The following MCPH1 variants were observed in gnomAD, a reference collection of about 807,000 sequenced individuals.
The protein encoded by MCPH1 is microcephalin 1.
Under a neutral mutation model 84.5 loss-of-function variants are expected in MCPH1, and 104 were observed. The observed-to-expected ratio is 1.23, with a 90% CI of 1.05 to 1.45. The LOEUF (loss-of-function observed/expected upper bound fraction) is 1.45. Ranked by LOEUF, MCPH1 falls within the 40% of genes most tolerant of loss-of-function variation. MCPH1 has a pLI of 0.00. For missense variants in MCPH1, 1,498 were observed against 1,005.7 expected (o/e 1.49, Z -6.62); for synonymous variants, 514 against 366.8 (o/e 1.40, Z -4.58).
intron 12 of MCPH1, among the ~76,000 whole-genome samples, chr8:6,560,768 T>C (rs1562715): frequency 0.16 from 24,100 of 152,234 alleles, 5,089 homozygotes; most frequent in African/African-American, 0.49. Flanking sequence ...TCTTTAAATG[T>C]TATCTCAAAG....
In MCPH1 at chr8:6,562,881, G is replaced by C. The variant is rs377482325; in HGVS notation, c.2215-58573G>C. On this transcript the variant is annotated intron_variant, in intron 12 of 13. Transcript: ENST00000344683. The stretch of plus-strand genomic sequence containing the variant: ...CCATGCTCTTCCGAAAGTTGTTATA[G>C]GCTGCGGCCAAGACAAGATCACAGC... 17 of 1,610,380 alleles carry C rather than the reference G, an allele frequency of 1.1e-5. No individual in the cohort carries two copies. In the African/African-American group the frequency reaches 1.7e-4, roughly 16 times the overall value.
At chr8:6,481,270 G>A (rs943530183) in intron 11 of MCPH1, among the ~76,000 whole-genome samples, 1 of 152,214 alleles carries the variant, frequency 6.6e-6, no homozygotes, top group Admixed American at 6.5e-5. Flanking sequence ...TTCAGTGATT[G>A]TTTGTACAGA....
intron 12 of MCPH1, among the ~76,000 whole-genome samples, chr8:6,504,032 G>T (rs1185385845): frequency 6.6e-6 from 1 of 152,126 alleles, no homozygotes; most frequent in Non-Finnish European, 1.5e-5. Context: ...TATTCTATAA[G>T]CAGGGGCCGG....
intron 13 of MCPH1, among the ~76,000 whole-genome samples, chr8:6,631,681 C>T (rs1254617796): frequency 6.8e-6 from 1 of 147,510 alleles, no homozygotes; most frequent in African/African-American, 2.5e-5. Flanking sequence ...CAGAAAATAA[C>T]AAGTGTTAGT....
intron 11 of MCPH1, among the ~76,000 whole-genome samples, chr8:6,483,901 G>C (rs1244510998): frequency 6.6e-6 from 1 of 151,886 alleles, no homozygotes; most frequent in Non-Finnish European, 1.5e-5. Flanking sequence ...AAGGAAGGGA[G>C]AACCTCATTC....
intron 12 of MCPH1, among the ~76,000 whole-genome samples, chr8:6,539,010 C>G (rs191449519): frequency 5.5e-5 from 8 of 145,540 alleles, no homozygotes; most frequent in African/African-American, 1.8e-4. Context: ...CTCTCCTCCC[C>G]CTCCTTTTAG....
At chr8:6,410,596 G>A (rs551928417) in intron 2 of MCPH1, among the ~76,000 whole-genome samples, 2 of 152,286 alleles carry the variant, frequency 1.3e-5, no homozygotes, top group African/African-American at 4.8e-5. Flanking sequence ...TACCAAATAG[G>A]TATCTTTTGC....
chr8:6,465,377 C>G (rs1290038413), intron 9 of MCPH1, among the ~76,000 whole-genome samples: 2 of 152,210 alleles, frequency 1.3e-5, no homozygotes, highest in Non-Finnish European at 2.9e-5. Context: ...AGTGACCCTG[C>G]CACTGCGCTG....
intron 8 of MCPH1, among the ~76,000 whole-genome samples, chr8:6,452,487 A>G (rs1805201694): frequency 6.6e-6 from 1 of 152,250 alleles, no homozygotes; most frequent in Admixed American, 6.5e-5. Flanking sequence ...GAGGAAAATG[A>G]GAGGAAGATA....
intron 13 of MCPH1, chr8:6,635,546 G>A (rs1797484844): frequency 6.6e-6 from 1 of 152,110 alleles, no homozygotes; most frequent in Non-Finnish European, 1.5e-5. Context: ...AGTGAGCCGT[G>A]ATCATGCCAC....
intron 8 of MCPH1, chr8:6,445,951 A>G (rs934624199): frequency 2.3e-5 from 23 of 984,760 alleles, no homozygotes; most frequent in Non-Finnish European, 2.7e-5. Flanking sequence ...GGCTATTTAA[A>G]GAAAGAAATT....
At chr8:6,607,999 A>G (rs1829931146) in intron 12 of MCPH1, among the ~76,000 whole-genome samples, 1 of 152,176 alleles carries the variant, frequency 6.6e-6, no homozygotes, top group Admixed American at 6.5e-5. Context: ...ACCATTTGGA[A>G]TAGTGTTTTT....
chr8:6,482,064 C>G (rs939787236), intron 11 of MCPH1, among the ~76,000 whole-genome samples: 1 of 152,174 alleles, frequency 6.6e-6, no homozygotes, highest in Non-Finnish European at 1.5e-5. Context: ...CTTGCCCTCA[C>G]TTAGTAGCCA....
intron 12 of MCPH1, among the ~76,000 whole-genome samples, chr8:6,619,436 G>A (rs933220978): frequency 2.6e-5 from 4 of 151,892 alleles, no homozygotes; most frequent in Non-Finnish European, 5.9e-5. Context: ...GATTACAGGC[G>A]CCTACCAAAA....
chr8:6,492,333 T>C (rs1034958162), intron 11 of MCPH1, among the ~76,000 whole-genome samples: 8 of 152,200 alleles, frequency 5.3e-5, no homozygotes, highest in African/African-American at 1.7e-4. Flanking sequence ...TGTTTTTTTC[T>C]TGTAAATTTG....
chr8:6,529,083 G>A (rs1175634291), intron 12 of MCPH1, among the ~76,000 whole-genome samples: 2 of 152,182 alleles, frequency 1.3e-5, no homozygotes, highest in African/African-American at 4.8e-5. Context: ...CCGTGTGGAG[G>A]CAGGGAAGGA....
At chr8:6,425,742 C>T (rs982662773) in intron 3 of MCPH1, among the ~76,000 whole-genome samples, 3 of 152,194 alleles carry the variant, frequency 2.0e-5, no homozygotes, top group African/African-American at 7.2e-5. Flanking sequence ...GGCAAATGAT[C>T]TTCTCTGCTC....
At chr8:6,430,621 AC>A (rs923868649) in intron 3 of MCPH1, among the ~76,000 whole-genome samples, 8 of 152,206 alleles carry the variant, frequency 5.3e-5, no homozygotes, top group African/African-American at 1.9e-4. Context: ...ATTGCAGTGT[AC>A]TTTATTTTTT....
intron 4 of MCPH1, among the ~76,000 whole-genome samples, chr8:6,433,776 C>T (rs1402603598): frequency 6.6e-6 from 1 of 151,922 alleles, no homozygotes; most frequent in African/African-American, 2.4e-5. Context: ...TAAAAACCTT[C>T]CCTTTCCTTC....
Sources: allele counts gnomAD v4.1 joint callset (sites outside exome capture counted in the v4.1 genomes callset), GRCh38; gene constraint gnomAD v4.1.1; transcripts MANE v1.5; gene names NCBI Gene and HGNC (gene_info 2026-07-23, HGNC 2026-07-21).